The following ARHGAP35 variants were observed in gnomAD, a reference collection of about 807,000 sequenced individuals.
ARHGAP35 encodes the protein rho GTPase-activating protein 35.
Under a neutral mutation model 111.1 loss-of-function variants are expected in ARHGAP35, and 15 were observed. The observed-to-expected ratio is 0.13, with a 90% CI of 0.09 to 0.21. ARHGAP35 has a LOEUF of 0.21. Ranked by LOEUF, ARHGAP35 falls within the 10% of genes least tolerant of loss-of-function variation. ARHGAP35 has a pLI of 1.00. For synonymous variants in ARHGAP35, 643 were observed against 710.3 expected, an observed-to-expected ratio of 0.91 and a Z score of 1.51; for missense variants, 1,262 against 1,873.0, an observed-to-expected ratio of 0.67 and a Z score of 6.02.
At chr19:46,875,561 T>C (rs2055914228) in intron 1 of ARHGAP35, among the ~76,000 whole-genome samples, 1 of 152,218 alleles carries the variant, frequency 6.6e-6, no homozygotes, top group African/African-American at 2.4e-5. Context: ...ACCAACTTTG[T>C]GACTTAGGAC....
In ARHGAP35 at chr19:46,986,186, G is replaced by A. The variant is rs567216194; in HGVS notation, c.3827-1803G>A. Among the ~76,000 whole-genome samples, 3 of 152,192 alleles carry A rather than the reference G, an allele frequency of 2.0e-5. No homozygotes were observed. The highest frequency in any genetic ancestry group is 2.1e-4 in the South Asian group (1 of 4,806). On this transcript the variant is annotated intron_variant, in intron 3 of 6. Coordinates refer to ENST00000672722, the MANE Select transcript of ARHGAP35 (RefSeq NM_004491.5). The surrounding 1 kb of genome is among the most constrained non-coding windows in gnomAD (Gnocchi z 4.3). Reference sequence around the variant, plus strand: ...TTCACAGTGACTTCACTGTCCTTTCGACAAAGTCCTTGAGATCTTGATGGC... The same window carrying A: ...TTCACAGTGACTTCACTGTCCTTTCAACAAAGTCCTTGAGATCTTGATGGC...
chr19:46,862,808 A>C (rs1019904181), intron 1 of ARHGAP35, among the ~76,000 whole-genome samples: 1 of 150,878 alleles, frequency 6.6e-6, no homozygotes, highest in African/African-American at 2.4e-5. Flanking sequence ...TCTTCCCCCC[A>C]CCATTTTGAT....
chr19:46,929,072 G>A (rs966162503), intron 2 of ARHGAP35, among the ~76,000 whole-genome samples: 1 of 152,178 alleles, frequency 6.6e-6, no homozygotes, highest in African/African-American at 2.4e-5. Flanking sequence ...AAATAAAGAT[G>A]CTCCAAGATG....
At chr19:46,872,663 A>G (rs1246659484) in intron 1 of ARHGAP35, among the ~76,000 whole-genome samples, 1 of 151,880 alleles carries the variant, frequency 6.6e-6, no homozygotes, top group Non-Finnish European at 1.5e-5. Context: ...GGCGGATCAC[A>G]AGGTCAGGAG....
intron 3 of ARHGAP35, among the ~76,000 whole-genome samples, chr19:46,979,049 G>T (rs1169152853): frequency 7.2e-6 from 1 of 138,834 alleles, no homozygotes; most frequent in East Asian, 2.2e-4. Context: ...GTGGTGTGTG[G>T]TGGGATGTGT....
chr19:46,981,756 A>G (rs1471398047), intron 3 of ARHGAP35, among the ~76,000 whole-genome samples: 2 of 152,210 alleles, frequency 1.3e-5, no homozygotes, highest in Non-Finnish European at 2.9e-5. Flanking sequence ...TTCCTAGTCC[A>G]TGGGGAAGTC....
chr19:46,883,506 C>T (rs1472849396), intron 1 of ARHGAP35, among the ~76,000 whole-genome samples: 1 of 152,162 alleles, frequency 6.6e-6, no homozygotes, highest in African/African-American at 2.4e-5. Context: ...TATATTGGTG[C>T]AGTTTATGGT....
At chr19:46,910,508 T>A (rs1265999152) in intron 1 of ARHGAP35, among the ~76,000 whole-genome samples, 1 of 151,440 alleles carries the variant, frequency 6.6e-6, no homozygotes, top group Non-Finnish European at 1.5e-5. Flanking sequence ...GCCAGGCTGG[T>A]CTCAGACTCC....
At chr19:46,892,973 TTATAA>T (rs2056033829) in intron 1 of ARHGAP35, among the ~76,000 whole-genome samples, 1 of 152,180 alleles carries the variant, frequency 6.6e-6, no homozygotes, top group Non-Finnish European at 1.5e-5. Context: ...TCTCATCAGC[TTATAA>T]CTCCCTGGAG....
chr19:46,936,798 A>G (rs2056310472), intron 2 of ARHGAP35, among the ~76,000 whole-genome samples: 1 of 152,150 alleles, frequency 6.6e-6, no homozygotes, highest in South Asian at 2.1e-4. Context: ...TAGAAAATTA[A>G]AAGTAGTGAG....
At chr19:46,982,377 T>C (rs1367504141) in intron 3 of ARHGAP35, among the ~76,000 whole-genome samples, 2 of 151,892 alleles carry the variant, frequency 1.3e-5, no homozygotes, top group East Asian at 3.9e-4. Flanking sequence ...CTCGGGAGGC[T>C]GAGCCATGAG....
intron 3 of ARHGAP35, among the ~76,000 whole-genome samples, chr19:46,950,427 T>C (rs899429488): frequency 1.3e-5 from 2 of 152,244 alleles, no homozygotes; most frequent in Admixed American, 6.5e-5. Flanking sequence ...TGCACTTACA[T>C]TGGTGTGTAT....
intron 3 of ARHGAP35, among the ~76,000 whole-genome samples, chr19:46,961,893 G>GC (rs1255477565): frequency 2.0e-5 from 3 of 152,054 alleles, no homozygotes; most frequent in Non-Finnish European, 4.4e-5. Context: ...TTGCGCCACT[G>GC]CCCTCCAGCC....
rs2056745233 is a variant in ARHGAP35, at chr19:47,000,970, C to A, written c.*282C>A. 1 of 1,508,452 alleles carries A rather than the reference C, an allele frequency of 6.6e-7. No individual in the cohort carries two copies. The highest frequency in any genetic ancestry group is 8.9e-7 in the Non-Finnish European group (1 of 1,129,162). The allele number at this position is 1,508,452 out of a possible 1,614,324, so 93.4% of individuals were successfully genotyped here. ...CCTCCCTCTGTTCCCTGGACCACCA[C>A]CCCACGTAGCTGCTCACACCAGCCT... On this transcript the variant is annotated 3_prime_UTR_variant, in exon 7 of 7. Transcript: ENST00000672722. The surrounding 1 kb of genome is among the most constrained non-coding windows in gnomAD (Gnocchi z 6.9).
intron 2 of ARHGAP35, among the ~76,000 whole-genome samples, chr19:46,925,069 G>A (rs1208520815): frequency 1.3e-5 from 2 of 152,110 alleles, no homozygotes; most frequent in Admixed American, 6.5e-5. Flanking sequence ...AGAAGTGGTC[G>A]GCTTCCGGTC....
rs201565056 is a variant in ARHGAP35 at position 46,921,349 on chromosome 19, G to A, written c.2674G>A (p.Ala892Thr). The A allele has an allele frequency of 2.6e-4, 418 of 1,613,800 alleles. No individual in the cohort carries two copies. Among genetic ancestry groups the A allele is most frequent in the Non-Finnish European group, 2.9e-4 (348 of 1,179,900 alleles). Residue 892 changes from alanine (A) to threonine (T), a missense_variant, in exon 2 of 7, where the codon GCT (alanine) becomes ACT (threonine). Ala to Thr is a moderately conservative substitution (Grantham distance 58). Transcript: ENST00000672722. This position sits in a 1 kb window ranked among gnomAD's most constrained non-coding sequence, Gnocchi z 4.3. ...PIQLVALTDG[A>T]VDVLDNDLSR... is the part of the protein sequence containing the mutation. ...TCAGCTTGTAGCACTCACTGATGGC[G>A]CTGTAGATGTCCTGGACAATGACTT...
At chr19:46,963,958 C>G (rs934622659) in intron 3 of ARHGAP35, among the ~76,000 whole-genome samples, 1 of 151,970 alleles carries the variant, frequency 6.6e-6, no homozygotes, top group Non-Finnish European at 1.5e-5. Flanking sequence ...ATGTCCGCCT[C>G]CCAGGTTCAA....
intron 1 of ARHGAP35, among the ~76,000 whole-genome samples, chr19:46,900,652 G>A (rs1359303706): frequency 6.6e-6 from 1 of 152,140 alleles, no homozygotes; most frequent in Non-Finnish European, 1.5e-5. Flanking sequence ...CATTTAGGAG[G>A]TATTTATTGA....
intron 3 of ARHGAP35, among the ~76,000 whole-genome samples, chr19:46,987,108 ATGAGCCAAGTGCTGGGATTACAGGCG>A (rs1168622044): frequency 2.6e-5 from 4 of 151,538 alleles, no homozygotes; most frequent in African/African-American, 4.8e-5. Context: ...GATTACAAGC[ATGAGCCAAGTGCTGGGATTACAGGCG>A]TGAGCCACCA....
Sources: gnomAD v4.1 joint callset for allele counts (sites outside exome capture counted in the v4.1 genomes callset) on GRCh38, gnomAD v4.1.1 for gene constraint, Gnocchi (gnomAD v3.1) non-coding constraint, MANE v1.5 for transcripts, NCBI Gene and HGNC (gene_info 2026-07-23, HGNC 2026-07-21) for gene names.